COL5A1: variants seen among roughly 807,000 people sequenced by gnomAD.
COL5A1 encodes collagen type V alpha 1 chain, also known as collagen alpha-1(V) chain.
A neutral mutation model predicts 263.7 loss-of-function variants in COL5A1; 16 were observed. The observed-to-expected ratio is 0.06, with a 90% CI of 0.04 to 0.09. COL5A1 has a LOEUF of 0.09. Ranked by LOEUF, COL5A1 falls within the 10% of genes least tolerant of loss-of-function variation. The pLI, the probability that COL5A1 is intolerant of heterozygous loss-of-function variation, is 1.00. For missense variants in COL5A1, 2,036 were observed against 2,540.5 expected (o/e 0.80, Z 4.27); for synonymous variants, 1,012 against 1,004.5 (o/e 1.01, Z -0.14).
In COL5A1 at chr9:134,823,982, A is replaced by G. The variant is rs1372722761; in HGVS notation, c.4698+513A>G. Among the ~76,000 whole-genome samples, 6 of 151,578 alleles carry G rather than the reference A, an allele frequency of 4.0e-5. 1 individual carries two copies. The highest frequency in any genetic ancestry group is 9.7e-5 in the African/African-American group (4 of 41,114). On this transcript the variant is annotated intron_variant, in intron 61 of 65. Coordinates refer to ENST00000371817, the MANE Select transcript of COL5A1 (RefSeq NM_000093.5). ...CATGGCCGTGTGTGTGTGCATATGT[A>G]TATGTGTACATGCATGTCTGGGATA...
intron 28 of COL5A1, among the ~76,000 whole-genome samples, chr9:134,781,919 C>T (rs141701393): frequency 6.6e-6 from 1 of 152,332 alleles, no homozygotes; most frequent in East Asian, 1.9e-4. Flanking sequence ...CAGATCCTGT[C>T]CTTTCACTCT....
intron 1 of COL5A1, among the ~76,000 whole-genome samples, chr9:134,650,785 A>G (rs1831653007): frequency 1.3e-5 from 2 of 152,184 alleles, no homozygotes; most frequent in Admixed American, 6.5e-5. Context: ...ATATTTTCAT[A>G]TTTACACTGG....
In COL5A1 at chr9:134,727,510, A is replaced by T. The variant is rs1312164571; in HGVS notation, c.786+113A>T. On this transcript the variant is annotated intron_variant, in intron 5 of 65. Coordinates refer to ENST00000371817, the MANE Select transcript of COL5A1 (RefSeq NM_000093.5). ...ATTTTAAATAAATCCACTGGGTGAGAATTTGGAGGGACCTAGGAGGTAAAC... is the reference window on the plus strand; with the variant it reads ...ATTTTAAATAAATCCACTGGGTGAGTATTTGGAGGGACCTAGGAGGTAAAC... 8 of 1,216,624 alleles carry T rather than the reference A, an allele frequency of 6.6e-6. No homozygotes were observed. In the East Asian group the frequency reaches 1.9e-4, roughly 30 times the overall value. 75.4% of individuals were successfully genotyped at this position (1,216,624 alleles called of 1,614,324 possible). A position where few individuals can be genotyped will look rare whatever the true frequency, so the allele number is the denominator to read the frequency against.
At chr9:134,815,001 A>G in intron 50 of COL5A1, 97 bp downstream of exon 50, 1 of 869,440 alleles carries the variant, frequency 1.2e-6, no homozygotes, top group South Asian at 1.6e-5. Context: ...TGCTCTGAGA[A>G]CAGCTTCAAG....
At chr9:134,747,681 A>T (rs1265168412) in intron 11 of COL5A1, among the ~76,000 whole-genome samples, 1 of 151,972 alleles carries the variant, frequency 6.6e-6, no homozygotes, top group Non-Finnish European at 1.5e-5. Context: ...GTATTCATAC[A>T]CACATGCAAA....
At position 134,682,388 on chromosome 9, in the gene COL5A1, C is replaced by T. The variant is rs1006809747; in HGVS notation, c.110-8524C>T. On this transcript the variant is annotated intron_variant, in intron 1 of 65. Transcript: ENST00000371817. This position sits in a 1 kb window ranked among gnomAD's most constrained non-coding sequence, Gnocchi z 5.1. ...CAGCGGGCATGGGGAGGGGACTGTG[C>T]GGGTGAACATGGGGCAGAGAGATCG... Among the ~76,000 whole-genome samples, 12 of 152,136 alleles carry T rather than the reference C, an allele frequency of 7.9e-5. No homozygotes were observed. Among genetic ancestry groups the T allele is most frequent in the Admixed American group, 1.3e-4 (2 of 15,286 alleles).
At chr9:134,752,420 G>A (rs80167409) in intron 13 of COL5A1, among the ~76,000 whole-genome samples, 169 bp from the exon 14 acceptor site, 4 of 450 alleles carry the variant, frequency 8.9e-3, no homozygotes, top group Middle Eastern at 0.5. Flanking sequence ...CATCGAAGTC[G>A]GGGGGGGGGG....
chr9:134,786,743 C>T (rs1837472607), intron 31 of COL5A1, among the ~76,000 whole-genome samples: 1 of 152,040 alleles, frequency 6.6e-6, no homozygotes, highest in South Asian at 2.1e-4. Context: ...ATGGTTCTTC[C>T]TTAAAGAATA....
At chr9:134,782,148 T>C (rs532522913) in intron 28 of COL5A1, among the ~76,000 whole-genome samples, 1 of 152,246 alleles carries the variant, frequency 6.6e-6, no homozygotes, top group East Asian at 1.9e-4. Context: ...AACCCAGGGG[T>C]GCGCGGGCCG....
chr9:134,703,829 T>C lies in COL5A1; in HGVS notation c.654+2496T>C, dbSNP rs371122269. Among the ~76,000 whole-genome samples, 568 of 151,772 alleles carry C rather than the reference T, an allele frequency of 3.7e-3. 2 individuals are homozygous for C. Among genetic ancestry groups the C allele is most frequent in the Middle Eastern group, 0.024 (7 of 294 alleles). On this transcript the variant is annotated intron_variant, in intron 4 of 65. Transcript: ENST00000371817. ...ATTTTTTTTGTATTTTTAGTAGAGA[T>C]GGGGTTTCACTGTGTTAGCCAGGAT...
At chr9:134,840,834 G>T (rs1332477939) in intron 65 of COL5A1, among the ~76,000 whole-genome samples, 1 of 152,140 alleles carries the variant, frequency 6.6e-6, no homozygotes, top group East Asian at 1.9e-4. Context: ...TACCACTCAT[G>T]GGGTTCCACC....
intron 31 of COL5A1, among the ~76,000 whole-genome samples, chr9:134,786,989 C>T (rs1208021605): frequency 6.6e-6 from 1 of 152,166 alleles, no homozygotes; most frequent in East Asian, 1.9e-4. Context: ...CCCCCTGCTC[C>T]GTGTGTGTGG....
rs200055343 is a variant in COL5A1, at chr9:134,763,755, G to C, written c.2034+18G>C. The C allele has an allele frequency of 6.6e-5, 107 of 1,611,992 alleles. No individual in the cohort carries two copies. Among genetic ancestry groups the C allele is most frequent in the Non-Finnish European group, 8.6e-5 (101 of 1,178,354 alleles). On this transcript the variant is annotated intron_variant, in intron 20 of 65. Transcript: ENST00000371817. ...GGGAGCCCGTAAGTCTGTGAGCTGAGTGGGACGGTGGGGGCTCAGTGTGGA... is the reference window on the plus strand; with the variant it reads ...GGGAGCCCGTAAGTCTGTGAGCTGACTGGGACGGTGGGGGCTCAGTGTGGA...
intron 63 of COL5A1, among the ~76,000 whole-genome samples, chr9:134,826,396 T>C (rs1839262986): frequency 6.6e-6 from 1 of 152,212 alleles, no homozygotes; most frequent in Non-Finnish European, 1.5e-5. Context: ...AGTGAAGAAT[T>C]CGGGGTGGGG....
At chr9:134,669,300 C>T (rs1246713033) in intron 1 of COL5A1, among the ~76,000 whole-genome samples, 1 of 119,034 alleles carries the variant, frequency 8.4e-6, no homozygotes, top group African/African-American at 3.3e-5. Context: ...CCCTCCCCTC[C>T]CCTCCCCTCC....
At position 134,730,399 on chromosome 9, in the gene COL5A1, A is replaced by C. The variant is rs1026084450; in HGVS notation, c.1088A>C (p.Asn363Thr). ...DDLTYGEGEE[N>T]PDQPTDPGAG... ...CTCACCTATGGCGAGGGGGAGGAGAACCCCGACCAGCCCACAGACCCAGGC... is the reference window on the plus strand; with the variant it reads ...CTCACCTATGGCGAGGGGGAGGAGACCCCCGACCAGCCCACAGACCCAGGC... The change falls in exon 7 of 66, where the codon AAC becomes ACC. Residue 363 changes from asparagine to threonine, a missense_variant. By Grantham distance (65) the Asn-to-Thr change is moderately conservative. This residue lies in a region of COL5A1 where 600 missense variants were observed against 634.5 expected (regional missense o/e 0.95). Coordinates refer to ENST00000371817, the MANE Select transcript of COL5A1 (RefSeq NM_000093.5). The C allele has an allele frequency of 3.1e-6, 5 of 1,614,012 alleles. No homozygotes were observed. Among genetic ancestry groups the C allele is most frequent in the Non-Finnish European group, 3.4e-6 (4 of 1,180,026 alleles).
intron 29 of COL5A1, among the ~76,000 whole-genome samples, chr9:134,784,202 A>T (rs2132769318): frequency 6.6e-6 from 1 of 152,358 alleles, no homozygotes. Flanking sequence ...TCCTGACCCG[A>T]TGACAGATTA....
chr9:134,782,042 G>T (rs948972671), intron 28 of COL5A1, among the ~76,000 whole-genome samples: 1 of 152,212 alleles, frequency 6.6e-6, no homozygotes, highest in African/African-American at 2.4e-5. Flanking sequence ...TTTGCCCTGC[G>T]GTTTCCGGGA....
intron 11 of COL5A1, among the ~76,000 whole-genome samples, chr9:134,750,209 C>G (rs1423282146): frequency 6.6e-6 from 1 of 152,182 alleles, no homozygotes; most frequent in Non-Finnish European, 1.5e-5. Context: ...GCGACAAGAG[C>G]CTGACACTGC....
Sources: gnomAD v4.1 joint callset for allele counts (sites outside exome capture counted in the v4.1 genomes callset) on GRCh38, gnomAD v4.1.1 for gene constraint, gnomAD v4.1.1 regional missense constraint, Gnocchi (gnomAD v3.1) non-coding constraint, MANE v1.5 for transcripts, NCBI Gene and HGNC (gene_info 2026-07-23, HGNC 2026-07-21) for gene names.